The following SLC37A1 variants were observed in gnomAD, a reference collection of about 807,000 sequenced individuals.
The protein encoded by SLC37A1 is solute carrier family 37 member 1, also known as glucose-6-phosphate exchanger SLC37A1.
SLC37A1 carries 49 observed loss-of-function variants against 75.3 expected under a neutral mutation model. That is an observed-to-expected ratio of 0.65 (90% CI 0.52 to 0.83). SLC37A1 has a LOEUF of 0.83. SLC37A1 is among the 40% of genes least tolerant of loss of function. The pLI is 0.00. For missense variants in SLC37A1, 566 were observed against 695.0 expected, an observed-to-expected ratio of 0.81 and a Z score of 2.09; for synonymous variants, 268 against 292.1, an observed-to-expected ratio of 0.92 and a Z score of 0.84.
chr21:42,537,308 G>A (rs559342189), intron 5 of SLC37A1, among the ~76,000 whole-genome samples: 1 of 152,316 alleles, frequency 6.6e-6, no homozygotes, highest in East Asian at 1.9e-4. Context: ...GTGTACCTGG[G>A]GCTTCCTTAG....
chr21:42,558,913 G>A (rs764906883), intron 10 of SLC37A1, 45 bp from the exon 11 acceptor site: 2 of 1,611,444 alleles, frequency 1.2e-6, no homozygotes, highest in Non-Finnish European at 1.7e-6. Flanking sequence ...AGACTGCCCG[G>A]CTGGTAACAC....
At chr21:42,570,908 A>G (rs1054175619) in intron 17 of SLC37A1, among the ~76,000 whole-genome samples, 5 of 151,736 alleles carry the variant, frequency 3.3e-5, no homozygotes, top group African/African-American at 9.7e-5. Context: ...CACACACCGG[A>G]CCCCCTCTGG....
In SLC37A1 at chr21:42,530,654, A is replaced by ACACACACACACACCC. The variant is rs1161313598; in HGVS notation, c.139-4043_139-4042insACACACACACACCCC. Among the ~76,000 whole-genome samples the ACACACACACACACCC allele has an allele frequency of 6.1e-4, 22 of 35,898 alleles. 2 individuals are homozygous for ACACACACACACACCC. Among genetic ancestry groups the ACACACACACACACCC allele is most frequent in the Admixed American group, 1.1e-3 (3 of 2,766 alleles). The allele number at this position is 35,898 out of a possible 152,430, so 23.6% of individuals were successfully genotyped here. ...CACACACACACACACACACACACACACCCCCTCTGTGTTGGCTGAAGGTGG... is the reference window on the plus strand; with the variant it reads ...CACACACACACACACACACACACACACACACACACACACCCCCCCCTCTGTGTTGGCTGAAGGTGG... On this transcript the variant is annotated intron_variant, in intron 3 of 19. Coordinates refer to ENST00000352133, the MANE Select transcript of SLC37A1 (RefSeq NM_001320537.2).
chr21:42,511,611 C>T (rs1342382785), upstream of SLC37A1, among the ~76,000 whole-genome samples: 1 of 152,158 alleles, frequency 6.6e-6, no homozygotes, highest in Non-Finnish European at 1.5e-5. Context: ...CATATCAAGA[C>T]CCTGTGTCTA....
At chr21:42,505,777 G>A (rs2054379183) in intron 2 of SLC37A1, among the ~76,000 whole-genome samples, 1 of 152,146 alleles carries the variant, frequency 6.6e-6, no homozygotes, top group Non-Finnish European at 1.5e-5. Flanking sequence ...GTTAAAACCA[G>A]AAAATTTCTG....
rs1345778342 is a variant in SLC37A1, at chr21:42,572,688, AAAAG to A, written c.1424-2128_1424-2125del. On this transcript the variant is annotated intron_variant, in intron 17 of 19. Coordinates refer to ENST00000352133, the MANE Select transcript of SLC37A1 (RefSeq NM_001320537.2). ...CAGCCACACACACACAAAAAAAAAA[AAAAG>A]AGTGTGTCCTGAGGTTCAGCTTAGT... Among the ~76,000 whole-genome samples, 16 of 149,040 alleles carry A rather than the reference AAAAG, an allele frequency of 1.1e-4. No homozygotes were observed. The East Asian group carries it at 3.1e-3, about 29-fold the overall frequency.
In SLC37A1 at chr21:42,574,928, A is replaced by G. The variant is rs752260336; in HGVS notation, c.1521+13A>G. On this transcript the variant is annotated intron_variant, in intron 18 of 19. Transcript: ENST00000352133. ...CTGTGCCTTACTGGTAAGTCGGCCT[A>G]TTTTTAGTCCAATCCACCTTGAATG... 14 of 1,613,734 alleles carry G rather than the reference A, an allele frequency of 8.7e-6. No homozygotes were observed. Among genetic ancestry groups the G allele is most frequent in the Non-Finnish European group, 1.1e-5 (13 of 1,179,868 alleles).
chr21:42,570,630 G>A (rs2056135374), intron 17 of SLC37A1, among the ~76,000 whole-genome samples: 1 of 152,198 alleles, frequency 6.6e-6, no homozygotes, highest in Non-Finnish European at 1.5e-5. Flanking sequence ...GTGAAACCCT[G>A]TTCTTAAAGC....
intron 12 of SLC37A1, among the ~76,000 whole-genome samples, chr21:42,563,366 C>T (rs1238264337): frequency 1.3e-5 from 2 of 152,216 alleles, no homozygotes; most frequent in African/African-American, 4.8e-5. Context: ...TCCTCTCCCA[C>T]ACCCGGCTGG....
chr21:42,542,670 C>G (rs2055312949), intron 7 of SLC37A1, among the ~76,000 whole-genome samples, 190 bp downstream of exon 7: 1 of 152,274 alleles, frequency 6.6e-6, no homozygotes, highest in African/African-American at 2.4e-5. Flanking sequence ...GCTCCGCCCT[C>G]CCACTGTGGG....
intron 3 of SLC37A1, among the ~76,000 whole-genome samples, chr21:42,527,076 G>A (rs1055083817): frequency 6.6e-6 from 1 of 152,048 alleles, no homozygotes; most frequent in African/African-American, 2.4e-5. Context: ...GGTGTAGTTG[G>A]GGAGCTTGTG....
intron 17 of SLC37A1, among the ~76,000 whole-genome samples, chr21:42,572,921 T>G (rs1459317456): frequency 6.6e-6 from 1 of 152,172 alleles, no homozygotes; most frequent in African/African-American, 2.4e-5. Context: ...GCATAGTGGT[T>G]TGAAGTCTCT....
Position 42,563,845 on chromosome 21 carries a change from T to C in SLC37A1, c.1103T>C (p.Leu368Pro). The C allele has an allele frequency of 6.2e-7, 1 of 1,614,144 alleles. No individual in the cohort carries two copies. The highest frequency in any genetic ancestry group is 8.5e-7 in the Non-Finnish European group (1 of 1,180,034). The change falls in exon 13 of 20, where the codon CTC becomes CCC. Residue 368 changes from leucine to proline, a missense_variant. By Grantham distance (98) the Leu-to-Pro change is moderately conservative. Coordinates refer to ENST00000352133, the MANE Select transcript of SLC37A1 (RefSeq NM_001320537.2). Reference protein sequence around the residue: ...DHLDAKKAGELSTLFDVGGIF... With the variant: ...DHLDAKKAGEPSTLFDVGGIF... ...CTTGATGCCAAAAAGGCGGGGGAGC[T>C]CTCCACCCTGTTTGACGTGGGCGGA...
upstream of SLC37A1, among the ~76,000 whole-genome samples, chr21:42,513,297 T>C (rs2054458804): frequency 6.6e-6 from 1 of 152,238 alleles, no homozygotes; most frequent in East Asian, 1.9e-4. Context: ...AACAGGGAGC[T>C]GCCTCTGTCA....
At chr21:42,532,182 A>AC (rs557626487) in intron 3 of SLC37A1, among the ~76,000 whole-genome samples, 1 of 152,048 alleles carries the variant, frequency 6.6e-6, no homozygotes, top group East Asian at 1.9e-4. Context: ...AGGATGTGAG[A>AC]CCCCCACTCA....
chr21:42,524,923 G>T (rs952038286), intron 2 of SLC37A1, among the ~76,000 whole-genome samples: 1 of 152,196 alleles, frequency 6.6e-6, no homozygotes, highest in Non-Finnish European at 1.5e-5. Context: ...AACCGACCAC[G>T]TGATTAGAGG....
At chr21:42,562,885 C>G (rs959535764) in intron 12 of SLC37A1, among the ~76,000 whole-genome samples, 4 of 152,116 alleles carry the variant, frequency 2.6e-5, no homozygotes, top group African/African-American at 9.7e-5. Flanking sequence ...GGGCAGAATC[C>G]GGCAATGTCT....
intron 2 of SLC37A1, among the ~76,000 whole-genome samples, chr21:42,505,044 A>G (rs186938609): frequency 6.6e-6 from 1 of 152,318 alleles, no homozygotes; most frequent in East Asian, 1.9e-4. Flanking sequence ...TTTTCTGCCA[A>G]GAAGACGCCA....
rs535538726 is a variant in SLC37A1 at position 42,536,142 on chromosome 21, G to A, written c.350+592G>A. On this transcript the variant is annotated intron_variant, in intron 5 of 19. Transcript: ENST00000352133. ...CTGAGTACAGCAGAGGCAGCTCTGCGTGGTGGGCAGGGAACTCCAGAGAGA... is the reference window on the plus strand; with the variant it reads ...CTGAGTACAGCAGAGGCAGCTCTGCATGGTGGGCAGGGAACTCCAGAGAGA... Among the ~76,000 whole-genome samples, 19 of 152,294 alleles carry A rather than the reference G, an allele frequency of 1.2e-4. No homozygotes were observed. In the East Asian group the frequency reaches 1.7e-3, roughly 14 times the overall value.
Sources: allele counts gnomAD v4.1 joint callset (sites outside exome capture counted in the v4.1 genomes callset), GRCh38; gene constraint gnomAD v4.1.1; transcripts MANE v1.5; gene names NCBI Gene and HGNC (gene_info 2026-07-23, HGNC 2026-07-21).